Variants in CAV1 observed in about 807,000 individuals in gnomAD.
The protein encoded by CAV1 is caveolin-1.
In CAV1, 10 loss-of-function variants were observed where a neutral mutation model predicts 16.5. The ratio of observed to expected loss-of-function variants is 0.61; its 90% confidence interval spans 0.37 to 1.03. The LOEUF (loss-of-function observed/expected upper bound fraction) is 1.03, where lower values mean the gene tolerates loss of function less well. Ranked by LOEUF, CAV1 falls within the 50% of genes least tolerant of loss-of-function variation. CAV1 has a pLI of 0.01. For synonymous variants in CAV1, 76 were observed against 85.1 expected (o/e 0.89, Z 0.59); for missense variants, 212 against 232.8 (o/e 0.91, Z 0.58).
intron 2 of CAV1, among the ~76,000 whole-genome samples, chr7:116,542,517 T>C (rs1400911371): frequency 1.3e-5 from 2 of 152,176 alleles, no homozygotes. Flanking sequence ...GACAAGACTT[T>C]CAGGACCTTA....
At chr7:116,549,096 C>T (rs748644975) in intron 2 of CAV1, among the ~76,000 whole-genome samples, 5 of 152,138 alleles carry the variant, frequency 3.3e-5, no homozygotes, top group Non-Finnish European at 5.9e-5. Flanking sequence ...TACACAGACA[C>T]GCACATACAC....
intron 2 of CAV1, among the ~76,000 whole-genome samples, chr7:116,558,180 C>A (rs1347273347): frequency 6.6e-6 from 1 of 152,132 alleles, no homozygotes; most frequent in Admixed American, 6.6e-5. Context: ...AATTGTTAAC[C>A]GATTATCAAC....
intron 2 of CAV1, among the ~76,000 whole-genome samples, chr7:116,556,191 A>AT (rs1232016036): frequency 9.2e-5 from 14 of 152,208 alleles, no homozygotes; most frequent in African/African-American, 3.4e-4. Flanking sequence ...TTGAAAAATA[A>AT]TTTGAATTTA....
chr7:116,547,219 A>AC (rs1017635247), intron 2 of CAV1, among the ~76,000 whole-genome samples: 8 of 152,174 alleles, frequency 5.3e-5, no homozygotes, highest in South Asian at 2.1e-4. Context: ...TTAGAACTTC[A>AC]ACAGAGCTTG....
chr7:116,530,659 T>C (rs1171315515), intron 2 of CAV1, among the ~76,000 whole-genome samples: 4 of 152,178 alleles, frequency 2.6e-5, no homozygotes, highest in African/African-American at 9.7e-5. Context: ...GAGCCAGGCA[T>C]GGAGACAAGA....
chr7:116,526,271 G>T (rs1055619627), intron 1 of CAV1: 1 of 1,259,468 alleles, frequency 7.9e-7, no homozygotes, highest in South Asian at 1.6e-5. Context: ...GGCGGCGGGC[G>T]GGGGAGGCAG....
intron 2 of CAV1, among the ~76,000 whole-genome samples, chr7:116,529,740 T>A (rs971400886): frequency 1.3e-5 from 2 of 152,224 alleles, no homozygotes; most frequent in African/African-American, 4.8e-5. Flanking sequence ...TAAAATTAAT[T>A]TCTCATCTTA....
At chr7:116,557,366 G>A (rs1794312242) in intron 2 of CAV1, among the ~76,000 whole-genome samples, 1 of 152,164 alleles carries the variant, frequency 6.6e-6, no homozygotes, top group Non-Finnish European at 1.5e-5. Flanking sequence ...AGTCATGGCA[G>A]TCCTCATTCC....
In CAV1 at chr7:116,534,388, TA is replaced by T. The variant is rs1562830017; in HGVS notation, c.195+7700del. On this transcript the variant is annotated intron_variant, in intron 2 of 2. Transcript: ENST00000341049. ...ATATATATATATATATATATATATA[TA>T]TATATATTTTTTTTTTTTTTTTTTT... Among the ~76,000 whole-genome samples, 120 of 15,134 alleles carry T rather than the reference TA, an allele frequency of 7.9e-3. 1 individual carries two copies. The highest frequency in any genetic ancestry group is 0.027 in the African/African-American group (113 of 4,138). 9.9% of individuals were successfully genotyped at this position (15,134 alleles called of 152,430 possible). A position where few individuals can be genotyped will look rare whatever the true frequency, so the allele number is the denominator to read the frequency against.
intron 1 of CAV1, chr7:116,525,951 G>A: frequency 3.7e-6 from 2 of 545,022 alleles, no homozygotes; most frequent in Non-Finnish European, 4.7e-6. Context: ...GGGGGGCGCG[G>A]GCAGGTGCGA....
intron 2 of CAV1, among the ~76,000 whole-genome samples, chr7:116,546,696 A>C (rs1373765876): frequency 9.1e-6 from 1 of 110,410 alleles, no homozygotes; most frequent in Non-Finnish European, 1.8e-5. Context: ...AGACTCTGTC[A>C]CAAAAAAAAA....
At chr7:116,525,984 C>A in intron 1 of CAV1, 2 of 285,454 alleles carry the variant, frequency 7.0e-6, no homozygotes, top group Non-Finnish European at 1.1e-5. Flanking sequence ...CAAGAAGCAG[C>A]GATAAAGGGA....
intron 2 of CAV1, among the ~76,000 whole-genome samples, chr7:116,536,826 A>T (rs901095544): frequency 2.8e-4 from 42 of 150,998 alleles, no homozygotes; most frequent in African/African-American, 9.7e-4. Flanking sequence ...ACAAGGTGAA[A>T]CCCCGTCTCT....
chr7:116,532,603 CA>C (rs1438588412), intron 2 of CAV1, among the ~76,000 whole-genome samples: 4 of 152,122 alleles, frequency 2.6e-5, no homozygotes, highest in African/African-American at 9.7e-5. Context: ...AAAAGATTTG[CA>C]AACTATACTT....
Position 116,546,697 on chromosome 7 carries a change from C to CAAAAA in CAV1, c.196-12236_196-12232dup, listed in dbSNP as rs5886830. 4.5e-3 allele frequency among the ~76,000 whole-genome samples: 394 copies of CAAAAA among 88,386 alleles called. 13 individuals are homozygous for CAAAAA. The highest frequency in any genetic ancestry group is 0.017 in the African/African-American group (380 of 22,530). The allele number at this position is 88,386 out of a possible 152,430, so 58.0% of individuals were successfully genotyped here. On this transcript the variant is annotated intron_variant, in intron 2 of 2. Transcript: ENST00000341049. ...GGGCAACAAGAATGAGACTCTGTCACAAAAAAAAAAAAAAAAAGTCTGCAG... is the reference window on the plus strand; with the variant it reads ...GGGCAACAAGAATGAGACTCTGTCACAAAAAAAAAAAAAAAAAAAAAAGTCTGCAG...
rs978392621 is a variant in CAV1, at chr7:116,559,545, C to T, written c.*258C>T. 12 of 590,400 alleles carry T rather than the reference C, an allele frequency of 2.0e-5. No homozygotes were observed. The highest frequency in any genetic ancestry group is 1.6e-4 in the Admixed American group (5 of 31,746). The allele number at this position is 590,400 out of a possible 1,614,324, so 36.6% of individuals were successfully genotyped here. On this transcript the variant is annotated 3_prime_UTR_variant, in exon 3 of 3. Coordinates refer to ENST00000341049, the MANE Select transcript of CAV1 (RefSeq NM_001753.5). ...TTTTATTTGCATGTGGATCAACCAT[C>T]GCTTTATTGGCTGAGATATGAACAT...
intron 2 of CAV1, among the ~76,000 whole-genome samples, chr7:116,530,388 A>G (rs1350794892): frequency 6.6e-6 from 1 of 152,184 alleles, no homozygotes; most frequent in Non-Finnish European, 1.5e-5. Context: ...CAGACCAAAT[A>G]TAATATATAT....
At chr7:116,553,534 T>A (rs530274658) in intron 2 of CAV1, among the ~76,000 whole-genome samples, 2 of 152,210 alleles carry the variant, frequency 1.3e-5, no homozygotes, top group East Asian at 3.9e-4. Context: ...GCCAAGTTGT[T>A]CCATAAATTA....
intron 2 of CAV1, among the ~76,000 whole-genome samples, chr7:116,529,560 G>A (rs947949291): frequency 9.9e-5 from 15 of 151,976 alleles, no homozygotes; most frequent in Non-Finnish European, 2.2e-4. Flanking sequence ...CCCTTGCCAA[G>A]TTAAAGAAAA....
Sources: gnomAD v4.1 joint callset for allele counts (sites outside exome capture counted in the v4.1 genomes callset) on GRCh38, gnomAD v4.1.1 for gene constraint, MANE v1.5 for transcripts, NCBI Gene and HGNC (gene_info 2026-07-23, HGNC 2026-07-21) for gene names.